LRRC32: variants seen among roughly 807,000 people sequenced by gnomAD.
LRRC32 encodes the protein leucine rich repeat containing 32.
LRRC32 carries 5 observed loss-of-function variants against 15.0 expected under a neutral mutation model. The ratio of observed to expected loss-of-function variants is 0.33; its 90% CI spans 0.17 to 0.70. The LOEUF (loss-of-function observed/expected upper bound fraction) is 0.70. Ranked by LOEUF, LRRC32 falls within the 30% of genes least tolerant of loss-of-function variation. LRRC32 has a pLI of 0.66. For synonymous variants in LRRC32, 391 were observed against 403.9 expected (o/e 0.97, Z 0.38); for missense variants, 803 against 854.2 (o/e 0.94, Z 0.75).
rs893820646 is a variant in LRRC32 at position 76,670,700 on chromosome 11, C to G, written c.-91G>C. ...CCCCCGGGTCCCACCCCGCGCCAGA[C>G]CCCGGGGTCACGGCCCGAGGAGGAG... On this transcript the variant is annotated 5_prime_UTR_variant, in exon 1 of 3. Coordinates refer to ENST00000260061, the MANE Select transcript of LRRC32 (RefSeq NM_001128922.2). 2.0e-5 allele frequency: 3 copies of G among 152,214 alleles called. No individual in the cohort carries two copies. Among genetic ancestry groups the G allele is most frequent in the African/African-American group, 7.2e-5 (3 of 41,454 alleles). The allele number at this position is 152,214 out of a possible 1,614,324, so 9.4% of individuals were successfully genotyped here.
intron 1 of LRRC32, among the ~76,000 whole-genome samples, chr11:76,666,964 G>A (rs970673287): frequency 1.3e-5 from 2 of 152,172 alleles, no homozygotes; most frequent in Non-Finnish European, 2.9e-5. Flanking sequence ...AGAGCACCAG[G>A]CGCACAGTCA....
intron 1 of LRRC32, chr11:76,670,115 G>A (rs1565407923): frequency 6.6e-6 from 1 of 152,472 alleles, no homozygotes; most frequent in Non-Finnish European, 1.5e-5. Flanking sequence ...GGAATTTCAG[G>A]CAGCTCGGCG....
intron 2 of LRRC32, among the ~76,000 whole-genome samples, chr11:76,664,812 G>A (rs1044491097): frequency 6.6e-6 from 1 of 152,352 alleles, no homozygotes; most frequent in Non-Finnish European, 1.5e-5. Flanking sequence ...TTTGTATTTG[G>A]TGACATCTGA....
chr11:76,662,214 C>T (rs911929228), intron 2 of LRRC32, among the ~76,000 whole-genome samples: 2 of 152,078 alleles, frequency 1.3e-5, no homozygotes, highest in African/African-American at 4.8e-5. Flanking sequence ...GGGACCGGGC[C>T]CCTGGAGGTG....
intron 2 of LRRC32, chr11:76,662,526 G>A (rs2120069982): frequency 6.6e-6 from 1 of 152,254 alleles, no homozygotes; most frequent in South Asian, 2.1e-4. Flanking sequence ...TTTGAACCCA[G>A]GTTTTTTAAC....
intron 2 of LRRC32, among the ~76,000 whole-genome samples, chr11:76,664,801 G>A (rs1451176477): frequency 1.3e-5 from 2 of 152,248 alleles, no homozygotes; most frequent in African/African-American, 2.4e-5. Flanking sequence ...TAGAATGTGC[G>A]TTTGTATTTG....
chr11:76,660,932 G>A lies in LRRC32; in HGVS notation c.661C>T (p.Arg221Trp), dbSNP rs372483764. 24 of 1,614,060 alleles carry A rather than the reference G, an allele frequency of 1.5e-5. No individual in the cohort carries two copies. The Admixed American group carries it at 2.0e-4, about 13-fold the overall frequency. The change falls in exon 3 of 3, where the codon CGG (arginine) becomes TGG (tryptophan). Residue 221 changes from arginine to tryptophan, a missense_variant. By Grantham distance (101) the Arg-to-Trp change is moderately radical. Transcript: ENST00000260061. ...CISDFSLQQLRVLDLSCNSIE... is the reference protein window; with the variant it reads ...CISDFSLQQLWVLDLSCNSIE... ...CTGTTGCAGCTCAGGTCTAGCACCC[G>A]CAGCTGCTGGAGGCTGAAGTCGGAG...
At position 76,658,703 on chromosome 11, in the gene LRRC32, C is replaced by T. The variant is rs1952454948; in HGVS notation, c.*901G>A. On this transcript the variant is annotated 3_prime_UTR_variant, in exon 3 of 3. Transcript: ENST00000260061. ...GCAGACACAAGGCTTGGATTCAAAT[C>T]CACATCTGCCAAGCTGGGTGCAAAA... 6.5e-6 allele frequency: 1 copy of T among 152,784 alleles called. No individual in the cohort carries two copies. The highest frequency in any genetic ancestry group is 6.5e-5 in the Admixed American group (1 of 15,286). 9.5% of individuals were successfully genotyped at this position (152,784 alleles called of 1,614,324 possible).
intron 2 of LRRC32, among the ~76,000 whole-genome samples, chr11:76,662,305 G>A (rs1253418364): frequency 6.6e-6 from 1 of 152,116 alleles, no homozygotes; most frequent in Non-Finnish European, 1.5e-5. Context: ...GCGACCTCCA[G>A]GAAGTCACAT....
At position 76,661,383 on chromosome 11, in the gene LRRC32, GC is replaced by G; in HGVS notation, c.209del (p.Gly70AlafsTer11). On this transcript the variant is annotated frameshift_variant, in exon 3 of 3. Transcript: ENST00000260061. LOFTEE classifies it low-confidence loss of function (END_TRUNC). ...QLRSILASPL[G>X]FYTALRHLDL... Reference sequence around the variant, plus strand: ...CCAGGTGACGAAGTGCTGTGTAGAAGCCCAGGGGTGAGGCCAGGATACTCCG... The same window carrying G: ...CCAGGTGACGAAGTGCTGTGTAGAAGCCAGGGGTGAGGCCAGGATACTCCG... The G allele has an allele frequency of 6.2e-7, 1 of 1,614,124 alleles. No individual in the cohort carries two copies. The highest frequency in any genetic ancestry group is 8.5e-7 in the Non-Finnish European group (1 of 1,179,980).
intron 2 of LRRC32, chr11:76,664,006 C>T (rs932954871): frequency 3.3e-5 from 5 of 152,272 alleles, no homozygotes; most frequent in Admixed American, 3.3e-4. Flanking sequence ...ACTGGGCCCT[C>T]AGCTGGTCAG....
chr11:76,669,378 TGTGTGTGTGA>T (rs1426931290), intron 1 of LRRC32, among the ~76,000 whole-genome samples: 312 of 148,152 alleles, frequency 2.1e-3, no homozygotes, highest in African/African-American at 5.9e-3. Context: ...TGTGTGTGTG[TGTGTGTGTGA>T]GAGAGAGAGA....
At chr11:76,664,548 G>T (rs1451588628) in intron 2 of LRRC32, among the ~76,000 whole-genome samples, 2 of 152,208 alleles carry the variant, frequency 1.3e-5, no homozygotes, top group Non-Finnish European at 2.9e-5. Flanking sequence ...ATCATGGGAG[G>T]AAAGCAGAGT....
In LRRC32 at chr11:76,660,246, G is replaced by A. The variant is rs768184608; in HGVS notation, c.1347C>T (p.Ser449=). 1.3e-6 allele frequency: 2 copies of A among 1,575,500 alleles called. No individual in the cohort carries two copies. Among genetic ancestry groups the A allele is most frequent in the East Asian group, 4.5e-5 (2 of 44,564 alleles). ...GCAGCTCTATCTCATTATCCACCAG[G>A]CTCAGGCTGCGGAGGGAGGTGATGC... The part of the protein sequence containing the change: ...FSGITSLRSL[S]LVDNEIELLR... The change falls in exon 3 of 3, where the codon AGC becomes AGT. Residue 449 remains serine (S), a synonymous_variant. Coordinates refer to ENST00000260061, the MANE Select transcript of LRRC32 (RefSeq NM_001128922.2).
At chr11:76,670,093 G>A (rs1952686691) in intron 1 of LRRC32, 1 of 152,526 alleles carries the variant, frequency 6.6e-6, no homozygotes, top group Non-Finnish European at 1.5e-5. Flanking sequence ...AAAGGAATGT[G>A]GCTGTGATGG....
Position 76,659,517 on chromosome 11 carries a change from C to A in LRRC32, c.*87G>T. The A allele has an allele frequency of 1.4e-6, 2 of 1,402,838 alleles. No homozygotes were observed. The highest frequency in any genetic ancestry group is 9.7e-7 in the Non-Finnish European group (1 of 1,033,196). 86.9% of individuals were successfully genotyped at this position (1,402,838 alleles called of 1,614,324 possible). A position where few individuals can be genotyped will look rare whatever the true frequency, so the allele number is the denominator to read the frequency against. On this transcript the variant is annotated 3_prime_UTR_variant, in exon 3 of 3. Coordinates refer to ENST00000260061, the MANE Select transcript of LRRC32 (RefSeq NM_001128922.2). ...AATTTGGAGACCAGAGTTCTGGGAT[C>A]CCGGATCACTGTGTGACCTTGAGTC...
intron 2 of LRRC32, among the ~76,000 whole-genome samples, chr11:76,664,155 CCT>C (rs1952585282): frequency 1.3e-5 from 2 of 152,174 alleles, no homozygotes; most frequent in South Asian, 2.1e-4. Flanking sequence ...GGCACCAGCC[CCT>C]GAGACTTGAT....
Position 76,659,675 on chromosome 11 carries a change from T to C in LRRC32, c.1918A>G (p.Ile640Val), listed in dbSNP as rs1396056028. The part of the protein sequence containing the change: ...IILTFILVSA[I>V]LLTTLAACCC... ...CAGGCGGCCAGCGTGGTGAGGAGGA[T>C]GGCAGAGACCAGTATGAAGGTGAGG... The change falls in exon 3 of 3, where the codon ATC becomes GTC. Residue 640 changes from isoleucine (I) to valine (V), a missense_variant. By Grantham distance (29) the Ile-to-Val change is conservative. Transcript: ENST00000260061. 1 of 1,614,218 alleles carries C rather than the reference T, an allele frequency of 6.2e-7. No individual in the cohort carries two copies. The highest frequency in any genetic ancestry group is 2.2e-5 in the East Asian group (1 of 44,880).
chr11:76,665,108 T>C (rs985602628), intron 2 of LRRC32, among the ~76,000 whole-genome samples: 1 of 152,206 alleles, frequency 6.6e-6, no homozygotes, highest in African/African-American at 2.4e-5. Context: ...TTGCCCTGTA[T>C]CTCATAGAGT....
Sources: allele counts gnomAD v4.1 joint callset (sites outside exome capture counted in the v4.1 genomes callset), GRCh38; gene constraint gnomAD v4.1.1; transcripts MANE v1.5; gene names NCBI Gene and HGNC (gene_info 2026-07-23, HGNC 2026-07-21).